HEATR6: variants seen among roughly 807,000 people sequenced by gnomAD.
The protein encoded by HEATR6 is HEAT repeat containing 6, also known as HEAT repeat-containing protein 6.
In HEATR6, 106 loss-of-function variants were observed where a neutral mutation model predicts 132.8. The observed-to-expected ratio is 0.80, with a 90% confidence interval of 0.68 to 0.94. The LOEUF is 0.94. HEATR6 is among the 40% of genes least tolerant of loss of function. HEATR6 has a pLI of 0.00. For synonymous variants in HEATR6, 529 were observed against 537.8 expected, an observed-to-expected ratio of 0.98 and a Z score of 0.23; for missense variants, 1,339 against 1,425.1, an observed-to-expected ratio of 0.94 and a Z score of 0.97.
At position 60,059,954 on chromosome 17, in the gene HEATR6, T is replaced by G; in HGVS notation, c.1559A>C (p.His520Pro). ...CACCAAAGCTAACAAAAGACATCTG[T>G]GCAACTCTCTAATGCTGCAAGCGAT... ...VMIACSIREL[H>P]RCLLLALVAE... The change falls in exon 10 of 20, where the codon CAC becomes CCC. Residue 520 changes from histidine to proline, a missense_variant. Transcript: ENST00000184956. The G allele has an allele frequency of 6.2e-7, 1 of 1,613,864 alleles. No homozygotes were observed. The highest frequency in any genetic ancestry group is 8.5e-7 in the Non-Finnish European group (1 of 1,179,812).
rs1242890925 is a variant in HEATR6, at chr17:60,060,033, C to CTTT, written c.1479_1480insAAA (p.Ser493_Val494insLys). ...CTGTGGTCACTGGTATCTTCAGCAA[C>CTTT]AGAAAGAAACTGCTTTGAGCCTTCC... On this transcript the variant is annotated inframe_insertion, in exon 10 of 20. Coordinates refer to ENST00000184956, the MANE Select transcript of HEATR6 (RefSeq NM_022070.5). 2 of 1,613,926 alleles carry CTTT rather than the reference C, an allele frequency of 1.2e-6. No homozygotes were observed. The highest frequency in any genetic ancestry group is 1.7e-6 in the Non-Finnish European group (2 of 1,179,960).
At chr17:60,072,479 A>C in intron 4 of HEATR6, 150 bp from the exon 5 acceptor site, 1 of 476,598 alleles carries the variant, frequency 2.1e-6, no homozygotes, top group South Asian at 4.9e-5. Flanking sequence ...TATTTTGGTT[A>C]ATTAGTTACT....
chr17:60,062,956 G>A lies in HEATR6; in HGVS notation c.1417-2860C>T, dbSNP rs377747340. The stretch of plus-strand genomic sequence containing the variant: ...TCTTGCTGCCACCATGTAAAGAAGT[G>A]CCTTTTGCCTCCTGCCATGATTCTG... On this transcript the variant is annotated intron_variant, in intron 9 of 19. Transcript: ENST00000184956. The A allele has an allele frequency of 3.4e-5, 6 of 176,480 alleles. No individual in the cohort carries two copies. The East Asian group carries it at 6.7e-4, about 20-fold the overall frequency. 10.9% of individuals were successfully genotyped at this position (176,480 alleles called of 1,614,324 possible).
Position 60,066,301 on chromosome 17 carries a change from A to G in HEATR6, c.1324T>C (p.Tyr442His). 6.2e-7 allele frequency: 1 copy of G among 1,613,918 alleles called. No individual in the cohort carries two copies. Among genetic ancestry groups the G allele is most frequent in the South Asian group, 1.1e-5 (1 of 91,060 alleles). ...KSIEKKVLYG[Y>H]WSAFIPDTPE... Reference sequence around the variant, plus strand: ...GTATCAGGAATAAAAGCTGACCAGTAGCCATAAAGAACTTTTTTTTCTATC... The same window carrying G: ...GTATCAGGAATAAAAGCTGACCAGTGGCCATAAAGAACTTTTTTTTCTATC... Residue 442 changes from tyrosine (Y) to histidine (H), a missense_variant, in exon 9 of 20, where the codon TAC becomes CAC. Tyr to His is a moderately conservative substitution (Grantham distance 83, BLOSUM62 2). Coordinates refer to ENST00000184956, the MANE Select transcript of HEATR6 (RefSeq NM_022070.5).
intron 13 of HEATR6, 100 bp from the exon 14 acceptor site, chr17:60,055,701 C>T: frequency 1.4e-6 from 1 of 704,022 alleles, no homozygotes; most frequent in Non-Finnish European, 2.4e-6. Flanking sequence ...TCTAGTAACA[C>T]CTCCACTCGA....
At chr17:60,063,145 T>G (rs1238654679) in intron 9 of HEATR6, 1 of 152,272 alleles carries the variant, frequency 6.6e-6, no homozygotes, top group African/African-American at 2.4e-5. Context: ...GCTGGCCATA[T>G]GAGAGAAAAT....
At chr17:60,055,710 G>A (rs150615144) in intron 13 of HEATR6, 109 bp from the exon 14 acceptor site, 29 of 639,024 alleles carry the variant, frequency 4.5e-5, no homozygotes, top group Admixed American at 2.9e-4. Flanking sequence ...ACCTCCACTC[G>A]AGTAACACCT....
chr17:60,049,377 G>A (rs1264018429), intron 16 of HEATR6, among the ~76,000 whole-genome samples: 1 of 151,718 alleles, frequency 6.6e-6, no homozygotes, highest in Non-Finnish European at 1.5e-5. Context: ...CAATCCACCC[G>A]CCTTGGCCTC....
At chr17:60,059,836 T>C in intron 10 of HEATR6, 54 bp downstream of exon 10, 1 of 1,262,512 alleles carries the variant, frequency 7.9e-7, no homozygotes. Flanking sequence ...TGTAAAACAG[T>C]ATACAAAATT....
At chr17:60,048,844 C>T (rs1906459175) in intron 16 of HEATR6, among the ~76,000 whole-genome samples, 1 of 151,702 alleles carries the variant, frequency 6.6e-6, no homozygotes, top group Non-Finnish European at 1.5e-5. Context: ...TGTCAGCTTT[C>T]TAAATGATGA....
intron 6 of HEATR6, among the ~76,000 whole-genome samples, chr17:60,070,058 C>A (rs1343683974): frequency 2.0e-5 from 3 of 152,148 alleles, no homozygotes; most frequent in Non-Finnish European, 2.9e-5. Flanking sequence ...GTTTATCTGG[C>A]CTCCAGCTGG....
rs183053500 is a variant in HEATR6, at chr17:60,072,766, G to C, written c.584+398C>G. On this transcript the variant is annotated intron_variant, in intron 4 of 19. Transcript: ENST00000184956. Reference sequence around the variant, plus strand: ...TCTACTGCCTACTGTGAGAATCGAGGGTGAGCAGCTGGGGCTGTTTCCATC... The same window carrying C: ...TCTACTGCCTACTGTGAGAATCGAGCGTGAGCAGCTGGGGCTGTTTCCATC... Among the ~76,000 whole-genome samples, 13 of 152,148 alleles carry C rather than the reference G, an allele frequency of 8.5e-5. No individual in the cohort carries two copies. In the South Asian group the frequency reaches 1.2e-3, roughly 15 times the overall value.
At position 60,049,534 on chromosome 17, in the gene HEATR6, T is replaced by C. The variant is rs771447562; in HGVS notation, c.2547+46A>G. ...CTATATCCACAAAATAGGGGTGTCA[T>C]GGACTACAAAAGGGGCACAGAAGAG... On this transcript the variant is annotated intron_variant, in intron 16 of 19. Transcript: ENST00000184956. 6 of 1,609,760 alleles carry C rather than the reference T, an allele frequency of 3.7e-6. No homozygotes were observed. The East Asian group carries it at 6.7e-5, about 18-fold the overall frequency.
rs1392831759 is a variant in HEATR6, at chr17:60,066,446, G to A, written c.1239-60C>T. The A allele has an allele frequency of 1.8e-5, 22 of 1,236,570 alleles. No individual in the cohort carries two copies. The Admixed American group carries it at 3.3e-4, about 19-fold the overall frequency. The allele number at this position is 1,236,570 out of a possible 1,614,324, so 76.6% of individuals were successfully genotyped here. A position where few individuals can be genotyped will look rare whatever the true frequency, so the allele number is the denominator to read the frequency against. On this transcript the variant is annotated intron_variant, in intron 8 of 19. Transcript: ENST00000184956. ...AAAAAATCATTTTTTTAAAAAAAAT[G>A]CAAACATGAAATGGTATTTATTTCC...
intron 5 of HEATR6, among the ~76,000 whole-genome samples, chr17:60,071,105 A>G (rs185675203): frequency 1.1e-3 from 171 of 152,330 alleles, no homozygotes; most frequent in Non-Finnish European, 1.9e-3. Flanking sequence ...TTAGCAAGAA[A>G]AATGTGACAA....
chr17:60,057,479 T>A, intron 11 of HEATR6, 76 bp from the exon 12 acceptor site: 1 of 1,006,026 alleles, frequency 9.9e-7, no homozygotes, highest in Non-Finnish European at 1.5e-6. Context: ...CAGCAGGCAA[T>A]TAAAAATTAG....
At chr17:60,045,945 A>G (rs1157043731) in intron 19 of HEATR6, 80 bp downstream of exon 19, 12 of 1,079,196 alleles carry the variant, frequency 1.1e-5, no homozygotes, top group Non-Finnish European at 1.7e-5. Flanking sequence ...ATAACATGTG[A>G]CAAACATCTT....
chr17:60,050,818 G>A (rs1906553524), intron 15 of HEATR6, 25 bp downstream of exon 15: 1 of 1,613,172 alleles, frequency 6.2e-7, no homozygotes, highest in African/African-American at 1.3e-5. Flanking sequence ...CATGATTTAA[G>A]GGTGAGAAAA....
chr17:60,061,878 A>T (rs2083214020), intron 9 of HEATR6, among the ~76,000 whole-genome samples: 1 of 152,266 alleles, frequency 6.6e-6, no homozygotes, highest in Non-Finnish European at 1.5e-5. Flanking sequence ...GACAATTAAA[A>T]ATCACAATTC....
Sources: allele counts gnomAD v4.1 joint callset (sites outside exome capture counted in the v4.1 genomes callset), GRCh38; gene constraint gnomAD v4.1.1; transcripts MANE v1.5; gene names NCBI Gene and HGNC (gene_info 2026-07-23, HGNC 2026-07-21).